Variants in ZBTB7C observed in about 807,000 individuals in gnomAD.
ZBTB7C encodes zinc finger and BTB domain containing 7C.
ZBTB7C carries 8 observed loss-of-function variants against 25.7 expected under a neutral mutation model. The ratio of observed to expected loss-of-function variants is 0.31; its 90% CI spans 0.18 to 0.56. The LOEUF (loss-of-function observed/expected upper bound fraction) is 0.56, where lower values mean the gene tolerates loss of function less well. ZBTB7C is among the 20% of genes least tolerant of loss of function. The pLI is 0.91. For synonymous variants in ZBTB7C, 394 were observed against 369.0 expected (o/e 1.07, Z -0.78); for missense variants, 824 against 855.2 (o/e 0.96, Z 0.46).
intron 3 of ZBTB7C, among the ~76,000 whole-genome samples, chr18:48,103,925 G>C (rs929587256): frequency 6.6e-6 from 1 of 152,292 alleles, no homozygotes; most frequent in Admixed American, 6.5e-5. Flanking sequence ...CGTTGCCAGG[G>C]GTCGAGGGTG....
chr18:48,280,343 A>G (rs1414099436), intron 2 of ZBTB7C, among the ~76,000 whole-genome samples: 1 of 152,062 alleles, frequency 6.6e-6, no homozygotes, highest in Non-Finnish European at 1.5e-5. Context: ...GGGCCACTGC[A>G]TCCATCATTC....
At chr18:48,367,202 T>TAC (rs1180190109) in intron 1 of ZBTB7C, among the ~76,000 whole-genome samples, 58 of 63,340 alleles carry the variant, frequency 9.2e-4, no homozygotes, top group East Asian at 4.5e-3. Flanking sequence ...TATATATATA[T>TAC]ACACACACAC....
At chr18:48,175,450 G>T (rs974306648) in intron 3 of ZBTB7C, among the ~76,000 whole-genome samples, 1 of 152,202 alleles carries the variant, frequency 6.6e-6, no homozygotes, top group Non-Finnish European at 1.5e-5. Context: ...AAATGGATTG[G>T]AATCAGAGGT....
chr18:48,136,814 A>C (rs2040181403), intron 3 of ZBTB7C, among the ~76,000 whole-genome samples: 1 of 151,770 alleles, frequency 6.6e-6, no homozygotes, highest in Non-Finnish European at 1.5e-5. Flanking sequence ...GGACGCCGCC[A>C]CCCGCGCCAG....
intron 1 of ZBTB7C, among the ~76,000 whole-genome samples, chr18:48,388,185 T>C (rs1023828517): frequency 3.3e-5 from 5 of 152,154 alleles, no homozygotes; most frequent in African/African-American, 1.2e-4. Context: ...CCGGGCACAC[T>C]TCAGAACTCA....
At chr18:48,083,769 G>T in intron 3 of ZBTB7C, 1 of 922,900 alleles carries the variant, frequency 1.1e-6, no homozygotes. Flanking sequence ...GTAAATGGTG[G>T]CTGGGTAAGG....
chr18:48,162,679 T>C (rs757911149), intron 3 of ZBTB7C, among the ~76,000 whole-genome samples: 2 of 152,216 alleles, frequency 1.3e-5, no homozygotes, highest in Non-Finnish European at 2.9e-5. Flanking sequence ...TGTAAAATTC[T>C]GTCTCCTCTC....
chr18:48,220,676 A>C (rs1282072563), intron 2 of ZBTB7C, among the ~76,000 whole-genome samples: 1 of 152,162 alleles, frequency 6.6e-6, no homozygotes, highest in Non-Finnish European at 1.5e-5. Flanking sequence ...AAATCAACCC[A>C]CAGGTGGCAA....
At chr18:48,194,707 C>T (rs1371735664) in intron 2 of ZBTB7C, among the ~76,000 whole-genome samples, 3 of 152,136 alleles carry the variant, frequency 2.0e-5, no homozygotes, top group African/African-American at 7.2e-5. Flanking sequence ...GAGCAGATGA[C>T]ATATGCAGAG....
At chr18:48,339,586 A>G (rs367813974) in intron 1 of ZBTB7C, among the ~76,000 whole-genome samples, 5 of 152,166 alleles carry the variant, frequency 3.3e-5, no homozygotes, top group African/African-American at 1.2e-4. Flanking sequence ...ACAGCCAATT[A>G]TCATTCTTTC....
intron 2 of ZBTB7C, among the ~76,000 whole-genome samples, chr18:48,190,943 G>A (rs2042179256): frequency 6.6e-6 from 1 of 152,168 alleles, no homozygotes; most frequent in African/African-American, 2.4e-5. Flanking sequence ...ACACAAAATT[G>A]GTGTTGTTCT....
intron 3 of ZBTB7C, chr18:48,185,355 G>A (rs1293175984): frequency 1.6e-5 from 7 of 446,692 alleles, no homozygotes; most frequent in Non-Finnish European, 3.1e-5. Flanking sequence ...TCATATGCAG[G>A]TGTCTTCTCT....
intron 3 of ZBTB7C, among the ~76,000 whole-genome samples, chr18:48,078,350 G>C (rs1441193458): frequency 6.6e-6 from 1 of 151,102 alleles, no homozygotes; most frequent in Admixed American, 6.6e-5. Context: ...AGGTGGGAAA[G>C]TGTGGCTGTC....
At chr18:48,029,993 C>A (rs920940410) in intron 4 of ZBTB7C, 82 bp from the exon 5 acceptor site, 5 of 1,574,620 alleles carry the variant, frequency 3.2e-6, no homozygotes, top group Non-Finnish European at 4.3e-6. Context: ...TTCTCCAGAA[C>A]CAGCCGAGGC....
At chr18:48,034,543 C>G (rs962561674) in intron 4 of ZBTB7C, among the ~76,000 whole-genome samples, 1 of 152,146 alleles carries the variant, frequency 6.6e-6, no homozygotes, top group African/African-American at 2.4e-5. Context: ...GCACTCCTCC[C>G]TGCACGTGGC....
At chr18:48,370,098 G>C (rs1252745928) in intron 1 of ZBTB7C, among the ~76,000 whole-genome samples, 2 of 152,152 alleles carry the variant, frequency 1.3e-5, no homozygotes, top group African/African-American at 4.8e-5. Context: ...CAAGATAAGA[G>C]TAAAACTTCC....
At chr18:48,114,794 C>T (rs568931374) in intron 3 of ZBTB7C, among the ~76,000 whole-genome samples, 40 of 152,234 alleles carry the variant, frequency 2.6e-4, no homozygotes, top group African/African-American at 9.1e-4. Context: ...ATCGTAGAAA[C>T]CTAGCATTGA....
At chr18:48,267,170 C>T (rs1053018249) in intron 2 of ZBTB7C, among the ~76,000 whole-genome samples, 2 of 152,294 alleles carry the variant, frequency 1.3e-5, no homozygotes, top group Admixed American at 6.5e-5. Context: ...GCCCAGCCTC[C>T]TCCATTGCTC....
rs142779130 is a variant in ZBTB7C, at chr18:48,236,985, G to A, written c.-78-50990C>T. 5.9e-5 allele frequency among the ~76,000 whole-genome samples: 9 copies of A among 152,308 alleles called. No individual in the cohort carries two copies. The South Asian group carries it at 6.2e-4, about 11-fold the overall frequency. On this transcript the variant is annotated intron_variant, in intron 2 of 4. Transcript: ENST00000590800. ...GCAACCATCCTGAGAAATGGGAGGG[G>A]AAAGGGCAAGGGTGGTGTTACTGGC... is the stretch of plus-strand genomic sequence containing the variant.
Sources: gnomAD v4.1 joint callset for allele counts (sites outside exome capture counted in the v4.1 genomes callset) on GRCh38, gnomAD v4.1.1 for gene constraint, MANE v1.5 for transcripts, NCBI Gene and HGNC (gene_info 2026-07-23, HGNC 2026-07-21) for gene names.